The following SH3D19 variants were observed in gnomAD, a reference collection of about 807,000 sequenced individuals.
SH3D19 encodes the protein SH3 domain-containing protein 19.
SH3D19 carries 58 observed loss-of-function variants against 112.1 expected under a neutral mutation model. The ratio of observed to expected loss-of-function variants is 0.52; its 90% CI spans 0.42 to 0.64. The LOEUF is 0.64. SH3D19 is among the 30% of genes least tolerant of loss of function. The pLI, the probability that SH3D19 is intolerant of heterozygous loss-of-function variation, is 0.00. For missense variants in SH3D19, 1,090 were observed against 1,263.4 expected (o/e 0.86, Z 2.08); for synonymous variants, 391 against 448.5 (o/e 0.87, Z 1.62).
chr4:151,138,534 A>G (rs1357006786), intron 13 of SH3D19, among the ~76,000 whole-genome samples: 1 of 151,796 alleles, frequency 6.6e-6, no homozygotes, highest in Non-Finnish European at 1.5e-5. Flanking sequence ...CCATGTCCCT[A>G]GGAAAAAAAA....
intron 1 of SH3D19, among the ~76,000 whole-genome samples, chr4:151,299,339 G>C (rs1728100184): frequency 6.6e-6 from 1 of 152,160 alleles, no homozygotes; most frequent in Non-Finnish European, 1.5e-5. Context: ...CCAGCACTTT[G>C]GGAGGCCGAG....
At position 151,174,848 on chromosome 4, in the gene SH3D19, C is replaced by T. The variant is rs1324759572; in HGVS notation, c.1356G>A (p.Gly452=). Residue 452 remains glycine, a synonymous_variant, in exon 7 of 20, where the codon GGG becomes GGA. Coordinates refer to ENST00000604030, the MANE Select transcript of SH3D19 (RefSeq NM_001378122.1). Reference sequence around the variant, plus strand: ...ACTTGTATGCTTTGGCTTGTGATGCCCCTGCGAGTCGGGGAGGAACAGTGA... The same window carrying T: ...ACTTGTATGCTTTGGCTTGTGATGCTCCTGCGAGTCGGGGAGGAACAGTGA... ...KPVTVPPRLA[G]ASQAKAYKSL... 6.3e-7 allele frequency: 1 copy of T among 1,592,682 alleles called. No homozygotes were observed. Among genetic ancestry groups the T allele is most frequent in the Admixed American group, 1.7e-5 (1 of 58,008 alleles).
chr4:151,283,072 C>T lies in SH3D19; in HGVS notation c.112+42169G>A, dbSNP rs774531120. The T allele has an allele frequency of 1.2e-5, 19 of 1,593,742 alleles. No homozygotes were observed. In the South Asian group the frequency reaches 2.0e-4, roughly 17 times the overall value. ...ATCATGACTGAATGCTGCCCCTGCACTTTTCTAGGTTGCTTTAATCTTTTG... is the reference window on the plus strand; with the variant it reads ...ATCATGACTGAATGCTGCCCCTGCATTTTTCTAGGTTGCTTTAATCTTTTG... On this transcript the variant is annotated intron_variant, in intron 1 of 19. Transcript: ENST00000604030.
intron 1 of SH3D19, among the ~76,000 whole-genome samples, chr4:151,268,028 C>T (rs995572618): frequency 6.6e-6 from 1 of 152,120 alleles, no homozygotes; most frequent in East Asian, 1.9e-4. Context: ...GATGGAGATC[C>T]GTCCTGAGAA....
At chr4:151,125,662 G>A (rs1350193781) in intron 19 of SH3D19, among the ~76,000 whole-genome samples, 1 of 151,616 alleles carries the variant, frequency 6.6e-6, no homozygotes, top group Non-Finnish European at 1.5e-5. Context: ...TTCCAGCCTG[G>A]CCAGTATGGT....
chr4:151,205,388 C>A (rs1764956461), intron 2 of SH3D19, among the ~76,000 whole-genome samples: 1 of 152,152 alleles, frequency 6.6e-6, no homozygotes, highest in Non-Finnish European at 1.5e-5. Flanking sequence ...TTGTTTTAGG[C>A]TATCAGTGAA....
In SH3D19 at chr4:151,137,770, G is replaced by T. The variant is rs1182823509; in HGVS notation, c.2389C>A (p.Gln797Lys). Residue 797 changes from glutamine (Q) to lysine (K), a missense_variant, in exon 14 of 20, where the codon CAG becomes AAG. Coordinates refer to ENST00000604030, the MANE Select transcript of SH3D19 (RefSeq NM_001378122.1). ...TAGTTGGCAGGAAATATGCCAATCT[G>T]GTTTCTACAGTTCCCTCTGTACCAA... ...TDWYRGNCRN[Q>K]IGIFPANYVK... The T allele has an allele frequency of 4.4e-6, 7 of 1,605,490 alleles. No homozygotes were observed. The highest frequency in any genetic ancestry group is 5.9e-6 in the Non-Finnish European group (7 of 1,177,080).
rs1231965709 is a variant in SH3D19 at position 151,236,875 on chromosome 4, G to A, written c.113-10789C>T. ...TGGACCAATCAGCTGTCTGTAAAACGGACTAATCAGCTCTCTGTAAAATGG... is the reference window on the plus strand; with the variant it reads ...TGGACCAATCAGCTGTCTGTAAAACAGACTAATCAGCTCTCTGTAAAATGG... On this transcript the variant is annotated intron_variant, in intron 1 of 19. Coordinates refer to ENST00000604030, the MANE Select transcript of SH3D19 (RefSeq NM_001378122.1). Among the ~76,000 whole-genome samples, 5 of 152,282 alleles carry A rather than the reference G, an allele frequency of 3.3e-5. No individual in the cohort carries two copies. In the Middle Eastern group the frequency reaches 0.01, roughly 311 times the overall value.
At chr4:151,247,058 G>A (rs1487496679) in intron 1 of SH3D19, among the ~76,000 whole-genome samples, 5 of 152,100 alleles carry the variant, frequency 3.3e-5, no homozygotes, top group Non-Finnish European at 7.4e-5. Flanking sequence ...CCATATTGCT[G>A]TTTTGTGTAT....
intron 1 of SH3D19, among the ~76,000 whole-genome samples, chr4:151,242,122 T>TC (rs1447223962): frequency 4.0e-5 from 6 of 151,154 alleles, no homozygotes; most frequent in African/African-American, 1.5e-4. Context: ...GCTTGGGAGG[T>TC]CAAGGCTCCA....
chr4:151,277,276 G>A (rs5023857), intron 1 of SH3D19: 3 of 1,391,578 alleles, frequency 2.2e-6, no homozygotes, highest in Non-Finnish European at 2.9e-6. Context: ...TTTTACTAAA[G>A]AGGGCATCAC....
chr4:151,179,531 A>T (rs971940913), intron 3 of SH3D19, 134 bp from the exon 4 acceptor site: 11 of 288,516 alleles, frequency 3.8e-5, no homozygotes, highest in African/African-American at 3.5e-5. Context: ...AATATCCTTA[A>T]AAAAAAGTAA....
intron 1 of SH3D19, among the ~76,000 whole-genome samples, chr4:151,309,017 C>T (rs1490041377): frequency 1.3e-5 from 2 of 151,980 alleles, no homozygotes; most frequent in Admixed American, 6.6e-5. Context: ...TACAGGTGCA[C>T]ACCACCATGC....
rs199741005 is a variant in SH3D19, at chr4:151,192,854, TC to T, written c.153-5392del. Among the ~76,000 whole-genome samples, 3 of 152,168 alleles carry T rather than the reference TC, an allele frequency of 2.0e-5. No individual in the cohort carries two copies. In the East Asian group the frequency reaches 5.8e-4, roughly 29 times the overall value. ...ATATTTAACTCTATTAAAAAACAAA[TC>T]CCACAAAAAAGTTCAAAGATCTTGG... On this transcript the variant is annotated intron_variant, in intron 2 of 19. Coordinates refer to ENST00000604030, the MANE Select transcript of SH3D19 (RefSeq NM_001378122.1).
At chr4:151,175,813 A>G (rs1759853859) in intron 6 of SH3D19, 139 bp from the exon 7 acceptor site, 1 of 730,728 alleles carries the variant, frequency 1.4e-6, no homozygotes, top group African/African-American at 1.8e-5. Flanking sequence ...TTTAATTAGT[A>G]AAAAGTGATT....
intron 2 of SH3D19, among the ~76,000 whole-genome samples, chr4:151,208,504 G>T (rs1765439874): frequency 6.6e-6 from 1 of 152,138 alleles, no homozygotes. Context: ...CTAGGTAGCT[G>T]GGATTACAGG....
chr4:151,164,626 C>CTGTA (rs1186722946), intron 8 of SH3D19, among the ~76,000 whole-genome samples: 2 of 150,950 alleles, frequency 1.3e-5, no homozygotes, highest in Non-Finnish European at 2.9e-5. Context: ...GTCACCCAGG[C>CTGTA]TGTAATGCAG....
In SH3D19 at chr4:151,280,570, T is replaced by C. The variant is rs563495174; in HGVS notation, c.112+44671A>G. On this transcript the variant is annotated intron_variant, in intron 1 of 19. Coordinates refer to ENST00000604030, the MANE Select transcript of SH3D19 (RefSeq NM_001378122.1). ...AGCTTTATAACTTATTATGCAACAATTGATAACTAATACACAACAGAAATT... is the reference window on the plus strand; with the variant it reads ...AGCTTTATAACTTATTATGCAACAACTGATAACTAATACACAACAGAAATT... Among the ~76,000 whole-genome samples, 24 of 152,320 alleles carry C rather than the reference T, an allele frequency of 1.6e-4. No individual in the cohort carries two copies. The South Asian group carries it at 4.8e-3, about 30-fold the overall frequency.
chr4:151,319,243 T>G (rs1416351281), intron 1 of SH3D19, among the ~76,000 whole-genome samples: 1 of 152,144 alleles, frequency 6.6e-6, no homozygotes, highest in Non-Finnish European at 1.5e-5. Context: ...AGATATGGGG[T>G]ATCATCATGT....
Sources: gnomAD v4.1 joint callset for allele counts (sites outside exome capture counted in the v4.1 genomes callset) on GRCh38, gnomAD v4.1.1 for gene constraint, MANE v1.5 for transcripts, NCBI Gene and HGNC (gene_info 2026-07-23, HGNC 2026-07-21) for gene names.